The following MTUS2 variants were observed in gnomAD, a reference collection of about 807,000 sequenced individuals.
MTUS2 encodes the protein microtubule associated scaffold protein 2.
A neutral mutation model predicts 114.1 loss-of-function variants in MTUS2; 40 were observed. That is an observed-to-expected ratio of 0.35 (90% CI 0.27 to 0.46). The LOEUF is 0.46. Ranked by LOEUF, MTUS2 falls within the 20% of genes least tolerant of loss-of-function variation. The pLI is 1.00. For synonymous variants in MTUS2, 688 were observed against 672.0 expected (o/e 1.02, Z -0.37); for missense variants, 1,679 against 1,705.4 (o/e 0.98, Z 0.27).
At chr13:28,867,611 A>G (rs148045543) in intron 2 of MTUS2, among the ~76,000 whole-genome samples, 1 of 152,262 alleles carries the variant, frequency 6.6e-6, no homozygotes, top group East Asian at 1.9e-4. Context: ...CTCTATTACA[A>G]CTCTTAATCT....
chr13:29,215,950 G>A (rs961119689), intron 5 of MTUS2, among the ~76,000 whole-genome samples: 13 of 152,198 alleles, frequency 8.5e-5, no homozygotes, highest in African/African-American at 1.2e-4. Flanking sequence ...AGGCAGGAAC[G>A]TTTAAGTCTG....
intron 10 of MTUS2, 167 bp from the exon 11 acceptor site, chr13:29,487,733 G>T: frequency 1.6e-6 from 1 of 631,788 alleles, no homozygotes; most frequent in Non-Finnish European, 2.8e-6. Flanking sequence ...ACCTCCCCGT[G>T]ATTCCGAGGG....
intron 5 of MTUS2, among the ~76,000 whole-genome samples, chr13:29,213,345 G>C (rs1895533851): frequency 6.6e-6 from 1 of 152,170 alleles, no homozygotes; most frequent in South Asian, 2.1e-4. Context: ...TTCTACAAAT[G>C]TCATAGGTCA....
At chr13:29,070,690 CTCTCTGTTTGAAACTTGT>C (rs1888878460) in intron 4 of MTUS2, among the ~76,000 whole-genome samples, 2 of 103,316 alleles carry the variant, frequency 1.9e-5, no homozygotes, top group African/African-American at 3.0e-5. Flanking sequence ...TGAAACTTGT[CTCTCTGTTTGAAACTTGT>C]CTCTCCCTTC....
chr13:29,082,979 T>A (rs943147293), intron 4 of MTUS2, among the ~76,000 whole-genome samples: 2 of 152,052 alleles, frequency 1.3e-5, no homozygotes, highest in Non-Finnish European at 2.9e-5. Context: ...TAGAGGCGGT[T>A]GTTGGAGGGA....
At chr13:29,318,857 C>G (rs942259274) in intron 6 of MTUS2, among the ~76,000 whole-genome samples, 1 of 152,160 alleles carries the variant, frequency 6.6e-6, no homozygotes, top group Non-Finnish European at 1.5e-5. Flanking sequence ...TCTTGCTACA[C>G]TATGGCGAAA....
chr13:29,287,272 G>A (rs1159220024), intron 6 of MTUS2, among the ~76,000 whole-genome samples: 2 of 152,216 alleles, frequency 1.3e-5, no homozygotes, highest in Non-Finnish European at 2.9e-5. Flanking sequence ...TTGCATGTGT[G>A]TGAAGGGGGA....
chr13:28,900,312 A>G (rs1374424005), intron 2 of MTUS2, among the ~76,000 whole-genome samples: 6 of 151,900 alleles, frequency 3.9e-5, no homozygotes, highest in African/African-American at 7.3e-5. Flanking sequence ...GTGTGTGTGT[A>G]TGTGTGTGTG....
intron 5 of MTUS2, among the ~76,000 whole-genome samples, chr13:29,114,777 T>C (rs1891020606): frequency 6.6e-6 from 1 of 152,150 alleles, no homozygotes; most frequent in Non-Finnish European, 1.5e-5. Flanking sequence ...GCAATGAGGG[T>C]CAGAGCTAAC....
At chr13:29,396,168 C>T (rs909331236) in intron 8 of MTUS2, among the ~76,000 whole-genome samples, 24 of 152,220 alleles carry the variant, frequency 1.6e-4, no homozygotes, top group African/African-American at 5.3e-4. Flanking sequence ...AGAATTGTCA[C>T]GTGGTCTGCA....
chr13:28,980,921 C>A (rs978193667), intron 2 of MTUS2, among the ~76,000 whole-genome samples: 4 of 152,230 alleles, frequency 2.6e-5, no homozygotes, highest in African/African-American at 7.2e-5. Context: ...TTAATAACCA[C>A]ACTAGGGCAA....
At chr13:29,031,207 T>C (rs954387176) in intron 3 of MTUS2, among the ~76,000 whole-genome samples, 2 of 121,502 alleles carry the variant, frequency 1.6e-5, no homozygotes, top group African/African-American at 3.0e-5. Flanking sequence ...ACTGCATCGA[T>C]TGGGGTTTGC....
At chr13:29,158,240 A>G (rs532593996) in intron 5 of MTUS2, among the ~76,000 whole-genome samples, 1 of 151,904 alleles carries the variant, frequency 6.6e-6, no homozygotes, top group South Asian at 2.1e-4. Context: ...CCAGTTCTGG[A>G]GGACCTACCA....
intron 5 of MTUS2, among the ~76,000 whole-genome samples, chr13:29,236,933 C>T (rs548338404): frequency 6.6e-6 from 1 of 152,272 alleles, no homozygotes; most frequent in Non-Finnish European, 1.5e-5. Flanking sequence ...TTGGAAAGAG[C>T]AGGAGAAAGA....
chr13:29,239,305 T>C (rs1896648828), intron 5 of MTUS2: 1 of 152,212 alleles, frequency 6.6e-6, no homozygotes, highest in Non-Finnish European at 1.5e-5. Flanking sequence ...AAATTTATTT[T>C]GTTCTATTTT....
chr13:29,173,227 T>A (rs1313677188), intron 5 of MTUS2, among the ~76,000 whole-genome samples: 1 of 152,152 alleles, frequency 6.6e-6, no homozygotes, highest in Non-Finnish European at 1.5e-5. Context: ...TAAGGGTTTG[T>A]TTATGTTCAC....
At chr13:29,488,318 C>A (rs1881786771) in intron 11 of MTUS2, among the ~76,000 whole-genome samples, 2 of 152,144 alleles carry the variant, frequency 1.3e-5, no homozygotes, top group South Asian at 2.1e-4. Context: ...TGTCCTTGGT[C>A]CATAGTGCAG....
chr13:29,025,367 C>T lies in MTUS2; in HGVS notation c.669C>T (p.His223=), dbSNP rs781473869. The T allele has an allele frequency of 2.0e-5, 32 of 1,613,728 alleles. No individual in the cohort carries two copies. The highest frequency in any genetic ancestry group is 7.7e-5 in the South Asian group (7 of 91,080). ...GEGPQKTLPD[H]AVPAAFPATD... ...GGCCACAGAAGACATTGCCAGACCACGCTGTCCCGGCAGCTTTCCCTGCAA... is the reference window on the plus strand; with the variant it reads ...GGCCACAGAAGACATTGCCAGACCATGCTGTCCCGGCAGCTTTCCCTGCAA... The change falls in exon 3 of 16, where the codon CAC becomes CAT. Residue 223 remains histidine, a synonymous_variant. Transcript: ENST00000612955.
rs577903548 is a variant in MTUS2, at chr13:29,300,628, T to TACTAGCTATATTACATTG, written c.2806+18765_2806+18782dup. ...CATTTCTTTTCAGACTTATATATTC[T>TACTAGCTATATTACATTG]ACTAGCTATATTACATTGAAGAAAT... On this transcript the variant is annotated intron_variant, in intron 6 of 15. Transcript: ENST00000612955. Among the ~76,000 whole-genome samples, 20 of 152,326 alleles carry TACTAGCTATATTACATTG rather than the reference T, an allele frequency of 1.3e-4. No individual in the cohort carries two copies. The East Asian group carries it at 3.3e-3, about 25-fold the overall frequency.
Sources: gnomAD v4.1 joint callset for allele counts (sites outside exome capture counted in the v4.1 genomes callset) on GRCh38, gnomAD v4.1.1 for gene constraint, MANE v1.5 for transcripts, NCBI Gene and HGNC (gene_info 2026-07-23, HGNC 2026-07-21) for gene names.